The following CRACR2A variants were observed in gnomAD, a reference collection of about 807,000 sequenced individuals.
The protein encoded by CRACR2A is EF-hand calcium-binding domain-containing protein 4B.
CRACR2A carries 79 observed loss-of-function variants against 90.5 expected under a neutral mutation model. The observed-to-expected ratio is 0.87, with a 90% CI of 0.73 to 1.05. The LOEUF (loss-of-function observed/expected upper bound fraction) is 1.05, where lower values mean the gene tolerates loss of function less well. Ranked by LOEUF, CRACR2A falls within the 50% of genes least tolerant of loss-of-function variation. CRACR2A has a pLI of 0.00. For synonymous variants in CRACR2A, 338 were observed against 356.7 expected, an observed-to-expected ratio of 0.95 and a Z score of 0.59; for missense variants, 823 against 897.2, an observed-to-expected ratio of 0.92 and a Z score of 1.06.
At chr12:3,734,136 A>T (rs1319185024) in intron 1 of CRACR2A, among the ~76,000 whole-genome samples, 4 of 151,568 alleles carry the variant, frequency 2.6e-5, no homozygotes, top group Non-Finnish European at 5.9e-5. Context: ...ACACCCGGCT[A>T]ATTTTTTTTA....
intron 2 of CRACR2A, among the ~76,000 whole-genome samples, chr12:3,716,795 T>G (rs1946089895): frequency 6.6e-6 from 1 of 152,216 alleles, no homozygotes; most frequent in Non-Finnish European, 1.5e-5. Context: ...GAATTTGTGT[T>G]GCTTTGATAG....
At chr12:3,752,680 A>C (rs1946728139) in intron 1 of CRACR2A, 1 of 152,916 alleles carries the variant, frequency 6.5e-6, no homozygotes, top group Non-Finnish European at 1.5e-5. Context: ...AAGTCACTTT[A>C]CCATTCTGAG....
At chr12:3,702,606 G>A (rs1591699544) in intron 3 of CRACR2A, among the ~76,000 whole-genome samples, 1 of 152,272 alleles carries the variant, frequency 6.6e-6, no homozygotes, top group East Asian at 1.9e-4. Context: ...CTTATACACT[G>A]AAAGCTATAA....
intron 1 of CRACR2A, among the ~76,000 whole-genome samples, chr12:3,750,960 G>C (rs1946694085): frequency 6.6e-6 from 1 of 152,190 alleles, no homozygotes; most frequent in African/African-American, 2.4e-5. Flanking sequence ...CTCTGTCAGT[G>C]GCATCACCAG....
intron 1 of CRACR2A, among the ~76,000 whole-genome samples, chr12:3,749,768 TTTG>T (rs1015006311): frequency 2.8e-4 from 42 of 151,450 alleles, no homozygotes; most frequent in African/African-American, 9.2e-4. Flanking sequence ...TGTGCTGGTT[TTTG>T]TTGTTGTTGT....
chr12:3,634,321 G>C (rs151190983), intron 14 of CRACR2A, among the ~76,000 whole-genome samples: 1 of 152,126 alleles, frequency 6.6e-6, no homozygotes, highest in Non-Finnish European at 1.5e-5. Context: ...CCATCTTATC[G>C]GTTCCCATCG....
At chr12:3,617,860 C>A (rs541019166) in intron 18 of CRACR2A, among the ~76,000 whole-genome samples, 6 of 152,132 alleles carry the variant, frequency 3.9e-5, no homozygotes, top group Admixed American at 2.0e-4. Context: ...GAGGCTCTGC[C>A]ATGCTCCCAG....
At chr12:3,675,339 T>C (rs1018501494) in intron 6 of CRACR2A, among the ~76,000 whole-genome samples, 2 of 152,080 alleles carry the variant, frequency 1.3e-5, no homozygotes, top group African/African-American at 4.8e-5. Context: ...CCCATCCCTG[T>C]GGCAGCTTGC....
intron 8 of CRACR2A, 27 bp downstream of exon 8, chr12:3,659,537 A>G (rs1266606892): frequency 6.2e-7 from 1 of 1,609,338 alleles, no homozygotes. Context: ...CTGGCCTCAG[A>G]GCCAAGCCTG....
At chr12:3,748,848 C>T (rs888913917) in intron 1 of CRACR2A, among the ~76,000 whole-genome samples, 8 of 152,158 alleles carry the variant, frequency 5.3e-5, no homozygotes, top group Non-Finnish European at 1.2e-4. Context: ...TTATGTCATC[C>T]GGATGACGTC....
intron 1 of CRACR2A, among the ~76,000 whole-genome samples, chr12:3,750,849 G>C (rs1355511489): frequency 6.6e-6 from 1 of 152,180 alleles, no homozygotes; most frequent in East Asian, 1.9e-4. Flanking sequence ...AAGGCAGAAT[G>C]GATGGCTACT....
Position 3,656,426 on chromosome 12 carries a change from G to A in CRACR2A, c.763-20C>T. On this transcript the variant is annotated intron_variant, in intron 8 of 19. Coordinates refer to ENST00000440314, the MANE Select transcript of CRACR2A (RefSeq NM_001144958.2). ...TGTGTCCTGCCAAGCCAGAAAGAGG[G>A]ACACACAGGACCCAAATGTAGCACA... 1 of 1,612,518 alleles carries A rather than the reference G, an allele frequency of 6.2e-7. No homozygotes were observed.
intron 7 of CRACR2A, among the ~76,000 whole-genome samples, chr12:3,669,549 G>A (rs969567224): frequency 1.3e-5 from 2 of 152,220 alleles, no homozygotes; most frequent in Admixed American, 6.5e-5. Flanking sequence ...AAGGACAAGG[G>A]TGTGGGAGAC....
intron 2 of CRACR2A, among the ~76,000 whole-genome samples, chr12:3,718,569 T>C (rs1422020368): frequency 6.6e-6 from 1 of 152,242 alleles, no homozygotes; most frequent in Non-Finnish European, 1.5e-5. Context: ...TTTCAAAGAC[T>C]GAGTTCAAAA....
intron 1 of CRACR2A, among the ~76,000 whole-genome samples, chr12:3,750,730 T>TA (rs1946690848): frequency 6.6e-6 from 1 of 152,154 alleles, no homozygotes; most frequent in East Asian, 1.9e-4. Flanking sequence ...AATCCCTCAC[T>TA]AGCTCTCCCC....
At chr12:3,669,861 C>A (rs1345447700) in intron 7 of CRACR2A, among the ~76,000 whole-genome samples, 1 of 152,132 alleles carries the variant, frequency 6.6e-6, no homozygotes, top group African/African-American at 2.4e-5. Flanking sequence ...GAGTGTGTGT[C>A]CTGCCTAACC....
chr12:3,684,018 G>A (rs1354746245), intron 4 of CRACR2A, among the ~76,000 whole-genome samples: 1 of 152,150 alleles, frequency 6.6e-6, no homozygotes, highest in Admixed American at 6.6e-5. Flanking sequence ...GGAAAGTGAT[G>A]TCTTTTGTTG....
intron 2 of CRACR2A, among the ~76,000 whole-genome samples, chr12:3,718,280 C>T (rs1001584732): frequency 3.3e-5 from 5 of 152,176 alleles, no homozygotes; most frequent in Admixed American, 2.6e-4. Flanking sequence ...GACCCAGGGG[C>T]GTGGGCATCC....
In CRACR2A at chr12:3,659,673, G is replaced by A; in HGVS notation, c.672-19C>T. 3.7e-6 allele frequency: 6 copies of A among 1,608,150 alleles called. No individual in the cohort carries two copies. Among genetic ancestry groups the A allele is most frequent in the Non-Finnish European group, 5.1e-6 (6 of 1,174,574 alleles). ...AATTTTCCTACAGAGGTGGCAAAAG[G>A]AGAGTCTCATTGAGGTTCCCCTACT... On this transcript the variant is annotated intron_variant, in intron 7 of 19. Coordinates refer to ENST00000440314, the MANE Select transcript of CRACR2A (RefSeq NM_001144958.2).
Sources: gnomAD v4.1 joint callset for allele counts (sites outside exome capture counted in the v4.1 genomes callset) on GRCh38, gnomAD v4.1.1 for gene constraint, MANE v1.5 for transcripts, NCBI Gene and HGNC (gene_info 2026-07-23, HGNC 2026-07-21) for gene names.